Variants in PCDHGB7 observed in about 807,000 individuals in gnomAD.
The protein encoded by PCDHGB7 is protocadherin gamma-B7.
In PCDHGB7, 37 loss-of-function variants were observed where a neutral mutation model predicts 61.4. The observed-to-expected ratio is 0.60, with a 90% CI of 0.46 to 0.79. The LOEUF (loss-of-function observed/expected upper bound fraction) is 0.79. Ranked by LOEUF, PCDHGB7 falls within the 30% of genes least tolerant of loss-of-function variation. The probability of loss-of-function intolerance (pLI) is 0.00; values close to 1 mark genes in which losing one functional copy is unlikely to be tolerated. For synonymous variants in PCDHGB7, 464 were observed against 503.5 expected, an observed-to-expected ratio of 0.92 and a Z score of 1.05; for missense variants, 1,166 against 1,202.5, an observed-to-expected ratio of 0.97 and a Z score of 0.45.
At chr5:141,502,082 G>A (rs538827992) in intron 2 of PCDHGB7, among the ~76,000 whole-genome samples, 1 of 152,252 alleles carries the variant, frequency 6.6e-6, no homozygotes, top group Non-Finnish European at 1.5e-5. Flanking sequence ...ACCTGGGGCT[G>A]AGAACACCTG....
At chr5:141,421,267 C>A in intron 1 of PCDHGB7, 1 of 1,611,374 alleles carries the variant, frequency 6.2e-7, no homozygotes, top group South Asian at 1.1e-5. Flanking sequence ...CAGTCGGCTG[C>A]TGCTGCTGCT....
intron 3 of PCDHGB7, among the ~76,000 whole-genome samples, chr5:141,505,793 GGACTTGGATC>G (rs2099848390): frequency 6.6e-6 from 1 of 152,142 alleles, no homozygotes; most frequent in Non-Finnish European, 1.5e-5. Flanking sequence ...ACTATCCTTG[GGACTTGGATC>G]GACTTGCTCA....
chr5:141,472,954 C>A (rs2099305799), intron 1 of PCDHGB7, among the ~76,000 whole-genome samples: 1 of 143,370 alleles, frequency 7.0e-6, no homozygotes, highest in Admixed American at 7.3e-5. Flanking sequence ...CCATTGCACT[C>A]CAGCCTGGGG....
Position 141,477,289 on chromosome 5 carries a change from T to G in PCDHGB7, c.2416-17518T>G, listed in dbSNP as rs759477848. On this transcript the variant is annotated intron_variant, in intron 1 of 3. Coordinates refer to ENST00000398594, the MANE Select transcript of PCDHGB7 (RefSeq NM_018927.4). The surrounding 1 kb of genome is among the most constrained non-coding windows in gnomAD (Gnocchi z 4.9). ...AGAACGGGCTGGTGACCTGCGAAGT[T>G]CCACCGGGTCTCCCTTTCAGCCTTA... The G allele has an allele frequency of 3.2e-5, 52 of 1,614,046 alleles. No individual in the cohort carries two copies. Among genetic ancestry groups the G allele is most frequent in the Non-Finnish European group, 4.2e-5 (50 of 1,180,040 alleles).
Position 141,423,601 on chromosome 5 carries a change from C to T in PCDHGB7, c.2415+3327C>T, listed in dbSNP as rs372165060. On this transcript the variant is annotated intron_variant, in intron 1 of 3. Transcript: ENST00000398594. The stretch of plus-strand genomic sequence containing the variant: ...GGAGAGCTGTGAGAAAAGCGAGCCA[C>T]TCTTGATAGCTGAAGACTCAGCTAT... The T allele has an allele frequency of 1.9e-6, 3 of 1,612,586 alleles. No homozygotes were observed. Among genetic ancestry groups the T allele is most frequent in the Admixed American group, 1.7e-5 (1 of 59,924 alleles).
chr5:141,450,826 A>ATTTTT (rs764729742), intron 1 of PCDHGB7, among the ~76,000 whole-genome samples: 2 of 134,302 alleles, frequency 1.5e-5, no homozygotes, highest in African/African-American at 2.9e-5. Flanking sequence ...TATTATTATT[A>ATTTTT]TTATTTTTTT....
At chr5:141,472,040 G>T (rs1431219928) in intron 1 of PCDHGB7, among the ~76,000 whole-genome samples, 4 of 152,018 alleles carry the variant, frequency 2.6e-5, no homozygotes, top group Non-Finnish European at 5.9e-5. Flanking sequence ...GCTGTGAAAA[G>T]ATTTTAAAAA....
At chr5:141,461,225 T>C (rs1157429654) in intron 1 of PCDHGB7, among the ~76,000 whole-genome samples, 3 of 152,162 alleles carry the variant, frequency 2.0e-5, no homozygotes, top group African/African-American at 7.2e-5. Flanking sequence ...CTGTTTTCCA[T>C]AGAGGTTGTA....
In PCDHGB7 at chr5:141,423,069, G is replaced by A. The variant is rs1364397726; in HGVS notation, c.2415+2795G>A. ...CCTATCGCCTGCTTAAGGCCAGCGA[G>A]CCGGGACTCTTCGCGGTGGGGGAGC... On this transcript the variant is annotated intron_variant, in intron 1 of 3. Transcript: ENST00000398594. 8 of 1,614,034 alleles carry A rather than the reference G, an allele frequency of 5.0e-6. No homozygotes were observed. In the African/African-American group the frequency reaches 1.1e-4, roughly 22 times the overall value.
At chr5:141,506,213 A>G (rs2154593866) in intron 3 of PCDHGB7, among the ~76,000 whole-genome samples, 1 of 152,204 alleles carries the variant, frequency 6.6e-6, no homozygotes, top group South Asian at 2.1e-4. Flanking sequence ...CACTTTGGGA[A>G]GCTGAGGCAG....
intron 3 of PCDHGB7, among the ~76,000 whole-genome samples, chr5:141,505,698 G>A (rs1041309644): frequency 2.0e-5 from 3 of 152,280 alleles, no homozygotes; most frequent in Admixed American, 6.5e-5. Context: ...GGAGGAGAGC[G>A]AACAAGGAAA....
At chr5:141,430,567 A>G in intron 1 of PCDHGB7, 1 of 434,308 alleles carries the variant, frequency 2.3e-6, no homozygotes, top group Non-Finnish European at 3.9e-6. Context: ...GGGGAGAGAA[A>G]AGCGGAGATC....
At chr5:141,474,754 T>C (rs1351752958) in intron 1 of PCDHGB7, among the ~76,000 whole-genome samples, 4 of 152,228 alleles carry the variant, frequency 2.6e-5, no homozygotes, top group Non-Finnish European at 4.4e-5. Flanking sequence ...CCAAGACAAA[T>C]ATACAGAAAT....
Position 141,493,435 on chromosome 5 carries a change from G to T in PCDHGB7, c.2416-1372G>T, listed in dbSNP as rs150678406. On this transcript the variant is annotated intron_variant, in intron 1 of 3. Coordinates refer to ENST00000398594, the MANE Select transcript of PCDHGB7 (RefSeq NM_018927.4). The surrounding 1 kb of genome is among the most constrained non-coding windows in gnomAD (Gnocchi z 4.3). ...TGGGATTTTGCTTCTGCTGGGATGG[G>T]GCAAGGGTGGGGTTCCTTCCCTTTT... Among the ~76,000 whole-genome samples the T allele has an allele frequency of 6.6e-5, 10 of 152,294 alleles. No individual in the cohort carries two copies. In the East Asian group the frequency reaches 1.7e-3, roughly 26 times the overall value.
At chr5:141,480,703 C>T (rs577131684) in intron 1 of PCDHGB7, among the ~76,000 whole-genome samples, 10 of 152,252 alleles carry the variant, frequency 6.6e-5, no homozygotes, top group Admixed American at 1.3e-4. Flanking sequence ...GGCCACACCC[C>T]GACAAATGAA....
At position 141,486,720 on chromosome 5, in the gene PCDHGB7, C is replaced by G; in HGVS notation, c.2416-8087C>G. ...ATCTCTCTGAACCCCCAGACAGGAG[C>G]TGTTCATGCTACTCGATCCTTTGAC... On this transcript the variant is annotated intron_variant, in intron 1 of 3. Coordinates refer to ENST00000398594, the MANE Select transcript of PCDHGB7 (RefSeq NM_018927.4). This position sits in a 1 kb window ranked among gnomAD's most constrained non-coding sequence, Gnocchi z 5.0. The G allele has an allele frequency of 6.2e-7, 1 of 1,614,216 alleles. No homozygotes were observed. Among genetic ancestry groups the G allele is most frequent in the Non-Finnish European group, 8.5e-7 (1 of 1,180,038 alleles).
At chr5:141,451,050 G>A (rs915545429) in intron 1 of PCDHGB7, among the ~76,000 whole-genome samples, 6 of 151,352 alleles carry the variant, frequency 4.0e-5, no homozygotes, top group South Asian at 4.2e-4. Flanking sequence ...GGCTGGTCTC[G>A]AACTCCTGAC....
intron 1 of PCDHGB7, chr5:141,430,576 T>G (rs767759432): frequency 3.3e-5 from 15 of 459,492 alleles, no homozygotes; most frequent in Non-Finnish European, 5.5e-5. Flanking sequence ...AAAGCGGAGA[T>G]CCTGCTCGCC....
chr5:141,486,263 G>GAACCTGGC lies in PCDHGB7; in HGVS notation c.2416-8542_2416-8535dup. 6.2e-7 allele frequency: 1 copy of GAACCTGGC among 1,614,090 alleles called. No homozygotes were observed. Among genetic ancestry groups the GAACCTGGC allele is most frequent in the South Asian group, 1.1e-5 (1 of 91,064 alleles). On this transcript the variant is annotated intron_variant, in intron 1 of 3. Coordinates refer to ENST00000398594, the MANE Select transcript of PCDHGB7 (RefSeq NM_018927.4). This position sits in a 1 kb window ranked among gnomAD's most constrained non-coding sequence, Gnocchi z 5.0. ...GCTTGGAACCCTCCCCGAGAGTGCAGAACCTGGCACTGTGGTGGCACTTAT... is the reference window on the plus strand; with the variant it reads ...GCTTGGAACCCTCCCCGAGAGTGCAGAACCTGGCAACCTGGCACTGTGGTGGCACTTAT...
Sources: allele counts gnomAD v4.1 joint callset (sites outside exome capture counted in the v4.1 genomes callset), GRCh38; gene constraint gnomAD v4.1.1; non-coding constraint Gnocchi (gnomAD v3.1); transcripts MANE v1.5; gene names NCBI Gene and HGNC (gene_info 2026-07-23, HGNC 2026-07-21).